CRHR1: variants seen among roughly 807,000 people sequenced by gnomAD.
The protein encoded by CRHR1 is corticotropin releasing hormone receptor 1.
Under a neutral mutation model 56.0 loss-of-function variants are expected in CRHR1, and 28 were observed. That is an observed-to-expected ratio of 0.50 (90% CI 0.37 to 0.69). The LOEUF is 0.69. CRHR1 is among the 30% of genes least tolerant of loss of function. The pLI, the probability that CRHR1 is intolerant of heterozygous loss-of-function variation, is 0.00. For missense variants in CRHR1, 376 were observed against 548.0 expected (o/e 0.69, Z 3.13); for synonymous variants, 195 against 216.5 (o/e 0.90, Z 0.87).
At chr17:45,831,747 G>T (rs2062314565) in intron 8 of CRHR1, among the ~76,000 whole-genome samples, 2 of 152,196 alleles carry the variant, frequency 1.3e-5, no homozygotes, top group Non-Finnish European at 2.9e-5. Context: ...ATGGATGGCA[G>T]GGGAGCCCCA....
At chr17:45,797,883 TG>T in intron 1 of CRHR1, among the ~76,000 whole-genome samples, 1 of 151,968 alleles carries the variant, frequency 6.6e-6, no homozygotes, top group Admixed American at 6.5e-5. Flanking sequence ...GTAACTGAGG[TG>T]GGGAGGTGAC....
intron 4 of CRHR1, among the ~76,000 whole-genome samples, chr17:45,824,809 T>C (rs534222891): frequency 2.0e-5 from 3 of 152,216 alleles, no homozygotes; most frequent in African/African-American, 7.2e-5. Context: ...AAGGGTGGTG[T>C]TGGCCTGTCT....
At chr17:45,805,676 A>G (rs1370748427) in intron 1 of CRHR1, among the ~76,000 whole-genome samples, 1 of 152,068 alleles carries the variant, frequency 6.6e-6, no homozygotes, top group African/African-American at 2.4e-5. Context: ...CTTCAGGCTC[A>G]CCACCCTGTC....
chr17:45,809,847 A>G (rs2061788144), intron 2 of CRHR1, among the ~76,000 whole-genome samples: 1 of 152,272 alleles, frequency 6.6e-6, no homozygotes. Flanking sequence ...GGCGACTCAT[A>G]AAATCATGGC....
rs899983592 is a variant in CRHR1 at position 45,797,283 on chromosome 17, C to CTTTTTTTTTT, written c.34-9711_34-9702dup. Among the ~76,000 whole-genome samples the CTTTTTTTTTT allele has an allele frequency of 5.3e-4, 50 of 94,932 alleles. 1 individual carries two copies. Among genetic ancestry groups the CTTTTTTTTTT allele is most frequent in the South Asian group, 1.1e-3 (3 of 2,768 alleles). 62.3% of individuals were successfully genotyped at this position (94,932 alleles called of 152,430 possible). On this transcript the variant is annotated intron_variant, in intron 1 of 12. Transcript: ENST00000314537. The stretch of plus-strand genomic sequence containing the variant: ...TGCTGTTTTTTCTTTTTCTTTCTTT[C>CTTTTTTTTTT]TTTTTTTTTTTTTTTTTTTTTTTTT...
At chr17:45,805,571 C>T (rs1320535294) in intron 1 of CRHR1, among the ~76,000 whole-genome samples, 2 of 152,162 alleles carry the variant, frequency 1.3e-5, no homozygotes, top group East Asian at 3.9e-4. Flanking sequence ...GCTGAGACAC[C>T]TGGCCATGGG....
intron 1 of CRHR1, among the ~76,000 whole-genome samples, chr17:45,791,018 C>T (rs1016092589): frequency 2.6e-5 from 4 of 152,180 alleles, no homozygotes; most frequent in African/African-American, 7.2e-5. Flanking sequence ...AAGTGATGGC[C>T]GCAGCATTGC....
chr17:45,828,368 C>A (rs1029765489), intron 4 of CRHR1, among the ~76,000 whole-genome samples: 1 of 152,228 alleles, frequency 6.6e-6, no homozygotes, highest in Non-Finnish European at 1.5e-5. Context: ...TGTTTTCCTA[C>A]AAAATAAAGC....
At chr17:45,813,918 T>G (rs898381287) in intron 2 of CRHR1, among the ~76,000 whole-genome samples, 1 of 152,194 alleles carries the variant, frequency 6.6e-6, no homozygotes, top group African/African-American at 2.4e-5. Flanking sequence ...GGGTCAGGCC[T>G]TTGGTTAGAG....
intron 2 of CRHR1, among the ~76,000 whole-genome samples, chr17:45,812,555 C>G (rs1206364025): frequency 6.6e-6 from 1 of 152,090 alleles, no homozygotes; most frequent in African/African-American, 2.4e-5. Context: ...GGACATTGGC[C>G]CAAGAATCAG....
rs200096809 is a variant in CRHR1, at chr17:45,830,618, G to C, written c.709+48G>C. The C allele has an allele frequency of 1.9e-5, 30 of 1,562,254 alleles. 1 individual carries two copies. The South Asian group carries it at 3.0e-4, about 16-fold the overall frequency. On this transcript the variant is annotated intron_variant, in intron 7 of 12. Transcript: ENST00000314537. The stretch of plus-strand genomic sequence containing the variant: ...CAGCCTGGGCAGTGGCGGCCGCCGG[G>C]CTGCCCTCTCCTCCAGACTCAGGCC...
At chr17:45,802,568 A>G (rs2061643331) in intron 1 of CRHR1, among the ~76,000 whole-genome samples, 1 of 152,234 alleles carries the variant, frequency 6.6e-6, no homozygotes, top group Non-Finnish European at 1.5e-5. Context: ...AAGCCCTCAC[A>G]AACCTTCCAC....
chr17:45,831,118 C>T (rs765334898), intron 8 of CRHR1, among the ~76,000 whole-genome samples, 178 bp downstream of exon 8: 1 of 152,180 alleles, frequency 6.6e-6, no homozygotes, highest in African/African-American at 2.4e-5. Context: ...CTGTGCTCTG[C>T]CTGGGTGGGG....
chr17:45,811,030 G>A (rs146701599), intron 2 of CRHR1, among the ~76,000 whole-genome samples: 1 of 152,362 alleles, frequency 6.6e-6, no homozygotes, highest in African/African-American at 2.4e-5. Context: ...CAAATAGGGG[G>A]AAGGGCTTCC....
At chr17:45,801,320 C>T (rs939244214) in intron 1 of CRHR1, among the ~76,000 whole-genome samples, 7 of 152,238 alleles carry the variant, frequency 4.6e-5, no homozygotes, top group African/African-American at 1.7e-4. Flanking sequence ...GGAGCACCTG[C>T]TTACTGAATC....
intron 1 of CRHR1, among the ~76,000 whole-genome samples, chr17:45,794,749 G>A (rs1378204016): frequency 6.6e-6 from 1 of 152,218 alleles, no homozygotes; most frequent in Non-Finnish European, 1.5e-5. Flanking sequence ...GCCTTGCTCT[G>A]TGTGGGTTCC....
chr17:45,813,567 G>T (rs1033950974), intron 2 of CRHR1, among the ~76,000 whole-genome samples: 4 of 152,220 alleles, frequency 2.6e-5, no homozygotes, highest in African/African-American at 9.6e-5. Flanking sequence ...CAGGAGGGAG[G>T]GGGAGGCGCG....
At chr17:45,828,965 C>T (rs1195606922) in intron 4 of CRHR1, among the ~76,000 whole-genome samples, 1 of 152,146 alleles carries the variant, frequency 6.6e-6, no homozygotes, top group Non-Finnish European at 1.5e-5. Flanking sequence ...GTGGGGAATC[C>T]CACGTGATGT....
intron 2 of CRHR1, among the ~76,000 whole-genome samples, chr17:45,815,004 A>C (rs1437465289): frequency 1.3e-5 from 2 of 152,274 alleles, no homozygotes; most frequent in Non-Finnish European, 2.9e-5. Flanking sequence ...CACTGCCCTG[A>C]GTCCAGCAGA....
Sources: gnomAD v4.1 joint callset for allele counts (sites outside exome capture counted in the v4.1 genomes callset) on GRCh38, gnomAD v4.1.1 for gene constraint, MANE v1.5 for transcripts, NCBI Gene and HGNC (gene_info 2026-07-23, HGNC 2026-07-21) for gene names.